ARHGEF26: variants seen among roughly 807,000 people sequenced by gnomAD.
ARHGEF26 encodes Rho guanine nucleotide exchange factor (GEF) 26.
In ARHGEF26, 59 loss-of-function variants were observed where a neutral mutation model predicts 89.4. The ratio of observed to expected loss-of-function variants is 0.66; its 90% CI spans 0.54 to 0.82. The LOEUF is 0.82. Among genes scored for constraint, ARHGEF26 ranks in the 40% least tolerant of loss-of-function variants. ARHGEF26 has a pLI of 0.00. For missense variants in ARHGEF26, 1,234 were observed against 1,085.6 expected, an observed-to-expected ratio of 1.14 and a Z score of -1.92; for synonymous variants, 500 against 428.4, an observed-to-expected ratio of 1.17 and a Z score of -2.06.
At chr3:154,141,734 GA>G (rs1308614201) in intron 4 of ARHGEF26, among the ~76,000 whole-genome samples, 2 of 152,168 alleles carry the variant, frequency 1.3e-5, no homozygotes, top group Non-Finnish European at 2.9e-5. Flanking sequence ...ATATCTCAAA[GA>G]AATTTTACAA....
chr3:154,162,604 TG>T (rs1486205523), intron 6 of ARHGEF26, among the ~76,000 whole-genome samples: 1 of 152,074 alleles, frequency 6.6e-6, no homozygotes, highest in Admixed American at 6.6e-5. Context: ...GGTGTCTGCG[TG>T]GGTTTTCTCC....
At chr3:154,239,315 TGTGTGTGTGTGTGTG>T (rs1717347639) in intron 11 of ARHGEF26, among the ~76,000 whole-genome samples, 371 of 146,716 alleles carry the variant, frequency 2.5e-3, no homozygotes, top group African/African-American at 9.0e-3. Flanking sequence ...TGTGTGTGTG[TGTGTGTGTGTGTGTG>T]TGTGTGTGTG....
At chr3:154,233,344 C>T (rs571035887) in intron 11 of ARHGEF26, among the ~76,000 whole-genome samples, 1 of 152,270 alleles carries the variant, frequency 6.6e-6, no homozygotes, top group South Asian at 2.1e-4. Flanking sequence ...ATTCAATGTC[C>T]TTCATCCCAG....
At chr3:154,183,386 T>G (rs1398450770) in intron 6 of ARHGEF26, among the ~76,000 whole-genome samples, 2 of 152,192 alleles carry the variant, frequency 1.3e-5, no homozygotes, top group Admixed American at 6.5e-5. Context: ...AGTGGAAGTA[T>G]TATCCCCGAA....
At chr3:154,152,225 A>G (rs950777578) in intron 5 of ARHGEF26, among the ~76,000 whole-genome samples, 14 of 152,236 alleles carry the variant, frequency 9.2e-5, no homozygotes, top group African/African-American at 3.4e-4. Context: ...TTTTGAGGGT[A>G]GACACAGTCA....
intron 6 of ARHGEF26, among the ~76,000 whole-genome samples, chr3:154,163,577 T>C (rs1711800015): frequency 6.6e-6 from 1 of 152,226 alleles, no homozygotes; most frequent in African/African-American, 2.4e-5. Flanking sequence ...CTTGCTCCTG[T>C]TGGTGTACAT....
At chr3:154,222,780 A>AT (rs1426543551) in intron 10 of ARHGEF26, among the ~76,000 whole-genome samples, 1 of 152,298 alleles carries the variant, frequency 6.6e-6, no homozygotes, top group South Asian at 2.1e-4. Flanking sequence ...TCAAGGGACC[A>AT]TTTTTTGTGA....
At chr3:154,178,876 G>A (rs1311447373) in intron 6 of ARHGEF26, among the ~76,000 whole-genome samples, 1 of 152,026 alleles carries the variant, frequency 6.6e-6, no homozygotes, top group East Asian at 1.9e-4. Flanking sequence ...GCTTTTTCCA[G>A]CCCTACACCC....
Position 154,152,854 on chromosome 3 carries a change from A to G in ARHGEF26, c.1409A>G (p.Glu470Gly), listed in dbSNP as rs1452578102. 9 of 1,590,630 alleles carry G rather than the reference A, an allele frequency of 5.7e-6. No individual in the cohort carries two copies. The highest frequency in any genetic ancestry group is 7.7e-6 in the Non-Finnish European group (9 of 1,167,710). Residue 470 changes from glutamate to glycine, a missense_variant, in exon 6 of 15, where the codon GAA becomes GGA. Coordinates refer to ENST00000465093, the MANE Select transcript of ARHGEF26 (RefSeq NM_015595.4). Reference protein sequence around the residue: ...ILIRMFKNSKELSDTMTKTER... With the variant: ...ILIRMFKNSKGLSDTMTKTER... ...ATACGAATGTTTAAAAATTCTAAAGAACTGAGTGATACAATGACTAAAACC... is the reference window on the plus strand; with the variant it reads ...ATACGAATGTTTAAAAATTCTAAAGGACTGAGTGATACAATGACTAAAACC...
At chr3:154,156,344 G>A (rs1242968206) in intron 6 of ARHGEF26, among the ~76,000 whole-genome samples, 1 of 151,934 alleles carries the variant, frequency 6.6e-6, no homozygotes, top group African/African-American at 2.4e-5. Flanking sequence ...CTCTGTCATA[G>A]CTTATCGTAA....
Position 154,256,941 on chromosome 3 carries a change from A to G in ARHGEF26, c.*1468A>G. ...AGGATGGGAGATTAAGAGGGGGGAA[A>G]TGATTTTTACTGGCAGCTATATTCC... On this transcript the variant is annotated 3_prime_UTR_variant, in exon 15 of 15. Coordinates refer to ENST00000465093, the MANE Select transcript of ARHGEF26 (RefSeq NM_015595.4). The G allele has an allele frequency of 6.5e-7, 1 of 1,534,118 alleles. No homozygotes were observed. Among genetic ancestry groups the G allele is most frequent in the Non-Finnish European group, 8.7e-7 (1 of 1,146,238 alleles).
At chr3:154,203,089 G>T (rs961308112) in intron 9 of ARHGEF26, among the ~76,000 whole-genome samples, 5 of 152,102 alleles carry the variant, frequency 3.3e-5, no homozygotes, top group African/African-American at 1.2e-4. Context: ...TTTTCAAAAG[G>T]AATGCTTCCA....
intron 6 of ARHGEF26, among the ~76,000 whole-genome samples, chr3:154,166,751 C>T (rs1712068512): frequency 6.6e-6 from 1 of 152,088 alleles, no homozygotes; most frequent in African/African-American, 2.4e-5. Flanking sequence ...GGAGGCTACT[C>T]AGCTTTAATT....
intron 7 of ARHGEF26, among the ~76,000 whole-genome samples, chr3:154,188,292 G>A (rs1382261460): frequency 1.3e-5 from 2 of 152,198 alleles, no homozygotes; most frequent in Non-Finnish European, 2.9e-5. Flanking sequence ...CATAAAAATT[G>A]CTGATTATTC....
intron 11 of ARHGEF26, among the ~76,000 whole-genome samples, chr3:154,227,464 G>A (rs147390479): frequency 0.011 from 1,700 of 151,944 alleles, 31 homozygotes; most frequent in African/African-American, 0.039. Context: ...TGTATTTTTA[G>A]TGGAGATGGG....
intron 12 of ARHGEF26, among the ~76,000 whole-genome samples, chr3:154,241,608 C>A (rs868072645): frequency 6.6e-6 from 1 of 152,170 alleles, no homozygotes; most frequent in East Asian, 1.9e-4. Flanking sequence ...TCTTAACAGG[C>A]GTAAGGACCA....
rs1040177875 is a variant in ARHGEF26, at chr3:154,176,749, C to T, written c.1488-10936C>T. The stretch of plus-strand genomic sequence containing the variant: ...GATGTTTCAGAGAAAAAGGGTAATG[C>T]GGCCAGAGACGTTTTTAGAAGCAGA... On this transcript the variant is annotated intron_variant, in intron 6 of 14. Coordinates refer to ENST00000465093, the MANE Select transcript of ARHGEF26 (RefSeq NM_015595.4). Among the ~76,000 whole-genome samples the T allele has an allele frequency of 2.6e-5, 4 of 152,004 alleles. No homozygotes were observed. The East Asian group carries it at 7.7e-4, about 29-fold the overall frequency.
rs770008176 is a variant in ARHGEF26, at chr3:154,255,510, C to A, written c.*37C>A. On this transcript the variant is annotated 3_prime_UTR_variant, in exon 15 of 15. Transcript: ENST00000465093. The stretch of plus-strand genomic sequence containing the variant: ...GTCTTTTGTTACTGCAAGATTTGCA[C>A]GACACTTACCGGGCTGGTTGGTTCT... The A allele has an allele frequency of 1.3e-6, 2 of 1,595,352 alleles. No homozygotes were observed. Among genetic ancestry groups the A allele is most frequent in the Non-Finnish European group, 8.5e-7 (1 of 1,171,514 alleles).
chr3:154,214,645 G>A (rs971183156), intron 9 of ARHGEF26, among the ~76,000 whole-genome samples: 3 of 151,798 alleles, frequency 2.0e-5, no homozygotes, highest in Non-Finnish European at 4.4e-5. Flanking sequence ...TAGATAGTTG[G>A]ATCAGAGCCT....
Sources: gnomAD v4.1 joint callset for allele counts (sites outside exome capture counted in the v4.1 genomes callset) on GRCh38, gnomAD v4.1.1 for gene constraint, MANE v1.5 for transcripts, NCBI Gene and HGNC (gene_info 2026-07-23, HGNC 2026-07-21) for gene names.